The following HSF5 variants were observed in gnomAD, a reference collection of about 807,000 sequenced individuals.
HSF5 encodes heat shock factor protein 5.
HSF5 carries 5 observed loss-of-function variants against 50.8 expected under a neutral mutation model. That is an observed-to-expected ratio of 0.10 (90% CI 0.05 to 0.21). HSF5 has a LOEUF of 0.21. Among genes scored for constraint, HSF5 ranks in the 10% least tolerant of loss-of-function variants. The pLI is 1.00. For missense variants in HSF5, 564 were observed against 762.6 expected (o/e 0.74, Z 3.07); for synonymous variants, 307 against 307.4 (o/e 1.00, Z 0.02).
chr17:58,423,573 G>A (rs143091848), intron 5 of HSF5, among the ~76,000 whole-genome samples: 24 of 140,650 alleles, frequency 1.7e-4, no homozygotes, highest in African/African-American at 5.0e-4. Context: ...TCCGCCTCCC[G>A]GGTTCATGCG....
Position 58,487,852 on chromosome 17 carries a change from G to T in HSF5, c.423C>A (p.Gly141=). 1 of 1,594,996 alleles carries T rather than the reference G, an allele frequency of 6.3e-7. No individual in the cohort carries two copies. The stretch of plus-strand genomic sequence containing the variant: ...TGGGCGGGCGGCAGGGCACCTCCAG[G>T]CCGGCCGCCAGCTTGGCCTTGTTGG... ...TSANKAKLAA[G]LEVPCRPPNR... is the part of the protein sequence containing the mutation. The change falls in exon 1 of 6, where the codon GGC becomes GGA. Residue 141 remains glycine (G), a synonymous_variant. Transcript: ENST00000323777.
chr17:58,438,249 C>A lies in HSF5; in HGVS notation c.1721-15819G>T, dbSNP rs141589207. Among the ~76,000 whole-genome samples the A allele has an allele frequency of 5.8e-3, 882 of 152,250 alleles. 5 individuals are homozygous for A. Among genetic ancestry groups the A allele is most frequent in the African/African-American group, 9.3e-3 (387 of 41,526 alleles). ...CACAAATACCACTGTATTACAATTG[C>A]TTACAATATTCAATACAGTAACATG... On this transcript the variant is annotated intron_variant, in intron 5 of 5. Transcript: ENST00000323777.
At chr17:58,476,067 C>T (rs1375003099) in intron 2 of HSF5, 1 of 515,954 alleles carries the variant, frequency 1.9e-6, no homozygotes, top group Non-Finnish European at 3.3e-6. Context: ...AAACCTGCAA[C>T]TTGCTCCCAA....
intron 5 of HSF5, among the ~76,000 whole-genome samples, chr17:58,448,133 C>CAAAAAAAAA (rs33943640): frequency 1.2e-5 from 1 of 82,042 alleles, no homozygotes; most frequent in Non-Finnish European, 2.3e-5. Context: ...GAACCTGTCT[C>CAAAAAAAAA]AAAAAAAAAA....
In HSF5 at chr17:58,421,020, C is replaced by A. The variant is rs894348323; in HGVS notation, c.*1340G>T. On this transcript the variant is annotated 3_prime_UTR_variant, in exon 6 of 6. Coordinates refer to ENST00000323777, the MANE Select transcript of HSF5 (RefSeq NM_001080439.3). ...GTTTCATATTCCTAGGCTTTCCTTTCGTTTCTGCAGTGCTTAATAGGAGAA... is the reference window on the plus strand; with the variant it reads ...GTTTCATATTCCTAGGCTTTCCTTTAGTTTCTGCAGTGCTTAATAGGAGAA... 1.3e-5 allele frequency: 2 copies of A among 152,626 alleles called. No individual in the cohort carries two copies. Among genetic ancestry groups the A allele is most frequent in the Non-Finnish European group, 2.9e-5 (2 of 68,026 alleles). 9.5% of individuals were successfully genotyped at this position (152,626 alleles called of 1,614,324 possible).
Position 58,421,492 on chromosome 17 carries a change from C to T in HSF5, c.*868G>A, listed in dbSNP as rs761160078. 6.6e-6 allele frequency: 1 copy of T among 152,198 alleles called. No homozygotes were observed. Among genetic ancestry groups the T allele is most frequent in the South Asian group, 2.1e-4 (1 of 4,826 alleles). The allele number at this position is 152,198 out of a possible 1,614,324, so 9.4% of individuals were successfully genotyped here. A position where few individuals can be genotyped will look rare whatever the true frequency, so the allele number is the denominator to read the frequency against. ...ACATTTTCCTTTCAAAATAAAAATA[C>T]TACACATGCATCCTTTATCCTTCTA... On this transcript the variant is annotated 3_prime_UTR_variant, in exon 6 of 6. Coordinates refer to ENST00000323777, the MANE Select transcript of HSF5 (RefSeq NM_001080439.3).
At chr17:58,428,634 G>C (rs1376317140) in intron 5 of HSF5, among the ~76,000 whole-genome samples, 5 of 152,086 alleles carry the variant, frequency 3.3e-5, no homozygotes, top group Non-Finnish European at 5.9e-5. Flanking sequence ...ACTCCAGCCT[G>C]GGCGACAGAG....
intron 5 of HSF5, among the ~76,000 whole-genome samples, chr17:58,449,059 G>A (rs1446434288): frequency 1.3e-5 from 2 of 152,120 alleles, no homozygotes; most frequent in African/African-American, 4.8e-5. Flanking sequence ...AAGTCAAGTT[G>A]TCATCAGTTT....
At chr17:58,425,750 T>G (rs1328205574) in intron 5 of HSF5, among the ~76,000 whole-genome samples, 1 of 152,142 alleles carries the variant, frequency 6.6e-6, no homozygotes. Context: ...GTCAAGGTCA[T>G]GTAATTAATC....
At chr17:58,451,103 T>G (rs1226569084) in intron 5 of HSF5, among the ~76,000 whole-genome samples, 1 of 152,080 alleles carries the variant, frequency 6.6e-6, no homozygotes, top group Admixed American at 6.6e-5. Context: ...ATAATAATGA[T>G]GATGACGATA....
intron 5 of HSF5, among the ~76,000 whole-genome samples, chr17:58,455,648 A>G (rs1481416661): frequency 6.6e-6 from 1 of 152,104 alleles, no homozygotes; most frequent in Non-Finnish European, 1.5e-5. Flanking sequence ...AAAAAACAAA[A>G]AACAGTCTGA....
intron 1 of HSF5, among the ~76,000 whole-genome samples, chr17:58,484,205 G>GAAAAAAAAA (rs555852057): frequency 8.5e-6 from 1 of 118,206 alleles, no homozygotes; most frequent in African/African-American, 3.1e-5. Flanking sequence ...GAATGGTAAG[G>GAAAAAAAAA]AAAAAAAAAA....
intron 5 of HSF5, among the ~76,000 whole-genome samples, chr17:58,443,093 G>T (rs1206567264): frequency 6.6e-6 from 1 of 152,056 alleles, no homozygotes; most frequent in African/African-American, 2.4e-5. Flanking sequence ...ATTTTTAGTA[G>T]AGACGGGGTT....
At chr17:58,461,319 T>C (rs943675315) in intron 4 of HSF5, among the ~76,000 whole-genome samples, 20 of 151,842 alleles carry the variant, frequency 1.3e-4, no homozygotes, top group Admixed American at 1.1e-3. Flanking sequence ...TAACACAATA[T>C]ACTAGATCTT....
chr17:58,468,636 G>A (rs755334709), intron 2 of HSF5, among the ~76,000 whole-genome samples: 12 of 151,948 alleles, frequency 7.9e-5, no homozygotes, highest in South Asian at 2.1e-4. Context: ...AAAAATAGCC[G>A]AAATGCTTCC....
intron 5 of HSF5, among the ~76,000 whole-genome samples, chr17:58,428,087 TC>T (rs1295931525): frequency 6.6e-6 from 1 of 152,188 alleles, no homozygotes; most frequent in East Asian, 1.9e-4. Context: ...GATTTTTTCC[TC>T]CAACAATTAA....
intron 5 of HSF5, among the ~76,000 whole-genome samples, chr17:58,446,715 G>A (rs982845007): frequency 7.2e-5 from 11 of 152,214 alleles, no homozygotes; most frequent in Non-Finnish European, 1.3e-4. Context: ...GTACTGCTGT[G>A]GGAGGCTGTA....
rs3803752 is a variant in HSF5, at chr17:58,462,906, C to T, written c.1418G>A (p.Ser473Asn). ...GATGGCTGCAGATTCCTGTATTGTG[C>T]TATTTTCAACAGGCTGAGCTGTGTG... The part of the protein sequence containing the change: ...TIHTAQPVEN[S>N]TIQESAAIQQ... Residue 473 changes from serine to asparagine, a missense_variant, in exon 4 of 6, where the codon AGC (serine) becomes AAC (asparagine). Ser to Asn is a conservative substitution (Grantham distance 46). Coordinates refer to ENST00000323777, the MANE Select transcript of HSF5 (RefSeq NM_001080439.3). 323,560 of 1,613,806 alleles carry T rather than the reference C, an allele frequency of 0.2. 34,779 individuals are homozygous for T. The highest frequency in any genetic ancestry group is 0.22 in the Non-Finnish European group (257,828 of 1,179,832).
In HSF5 at chr17:58,463,112, C is replaced by T. The variant is rs778769299; in HGVS notation, c.1212G>A (p.Pro404=). Residue 404 remains proline (P), a synonymous_variant, in exon 4 of 6, where the codon CCG becomes CCA. Coordinates refer to ENST00000323777, the MANE Select transcript of HSF5 (RefSeq NM_001080439.3). The part of the protein sequence containing the change: ...EPVENQCPTS[P]SYRGQHILAN... ...CTAAAATGTGTTGGCCTCTGTAAGACGGAGATGTTGGGCACTGATTCTCAA... is the reference window on the plus strand; with the variant it reads ...CTAAAATGTGTTGGCCTCTGTAAGATGGAGATGTTGGGCACTGATTCTCAA... 34 of 1,614,070 alleles carry T rather than the reference C, an allele frequency of 2.1e-5. No individual in the cohort carries two copies. The highest frequency in any genetic ancestry group is 9.9e-5 in the South Asian group (9 of 91,088).
Sources: allele counts gnomAD v4.1 joint callset (sites outside exome capture counted in the v4.1 genomes callset), GRCh38; gene constraint gnomAD v4.1.1; transcripts MANE v1.5; gene names NCBI Gene and HGNC (gene_info 2026-07-23, HGNC 2026-07-21).